MTAP: variants seen among roughly 807,000 people sequenced by gnomAD.
MTAP encodes the protein methylthioadenosine phosphorylase.
MTAP carries 33 observed loss-of-function variants against 33.6 expected under a neutral mutation model. The observed-to-expected ratio is 0.98, with a 90% CI of 0.74 to 1.31. The LOEUF is 1.31. Among genes scored for constraint, MTAP ranks in the 40% most tolerant of loss-of-function variants. The pLI is 0.00. For missense variants in MTAP, 367 were observed against 360.0 expected, an observed-to-expected ratio of 1.02 and a Z score of -0.16; for synonymous variants, 148 against 125.7, an observed-to-expected ratio of 1.18 and a Z score of -1.19.
chr9:21,884,584 C>T (rs1273305400), intron 1 of MTAP, among the ~76,000 whole-genome samples: 4 of 152,162 alleles, frequency 2.6e-5, no homozygotes, highest in Non-Finnish European at 4.4e-5. Flanking sequence ...AAAGTATTGG[C>T]AGATGTGGTA....
At chr9:21,879,940 C>T (rs536742207) in intron 1 of MTAP, among the ~76,000 whole-genome samples, 37 of 152,106 alleles carry the variant, frequency 2.4e-4, no homozygotes, top group African/African-American at 8.2e-4. Flanking sequence ...AGGCGGCCTG[C>T]CCTTTCTCTC....
chr9:21,930,043 C>T (rs758888548), intron 1 of MTAP: 3 of 417,620 alleles, frequency 7.2e-6, no homozygotes, highest in South Asian at 2.1e-5. Context: ...GCCAGCAATG[C>T]CCAAGCTCAT....
At chr9:21,868,762 T>A (rs780576906), downstream of MTAP, among the ~76,000 whole-genome samples, 2 of 152,122 alleles carry the variant, frequency 1.3e-5, no homozygotes, top group Admixed American at 1.3e-4. Flanking sequence ...CCTCTGCTGC[T>A]CTCTCCCAAA....
chr9:21,876,574 A>G (rs1826012020), intron 1 of MTAP, among the ~76,000 whole-genome samples: 1 of 152,086 alleles, frequency 6.6e-6, no homozygotes, highest in Non-Finnish European at 1.5e-5. Flanking sequence ...TCCAGCTTCA[A>G]TCCTATGCAT....
At chr9:21,923,910 G>A (rs1031744989) in intron 1 of MTAP, among the ~76,000 whole-genome samples, 1 of 152,360 alleles carries the variant, frequency 6.6e-6, no homozygotes, top group East Asian at 1.9e-4. Context: ...GGCTGCAGGT[G>A]CAAGAGACAA....
intron 1 of MTAP, chr9:21,803,001 C>CACACACACACAT (rs1354081327): frequency 3.4e-6 from 3 of 890,440 alleles, no homozygotes; most frequent in Non-Finnish European, 4.6e-6. Flanking sequence ...CACACACACA[C>CACACACACACAT]ACACACACAC....
chr9:21,804,971 C>T (rs1468465405), intron 1 of MTAP, among the ~76,000 whole-genome samples: 1 of 152,290 alleles, frequency 6.6e-6, no homozygotes, highest in Middle Eastern at 3.4e-3. Flanking sequence ...ATAGAATGTC[C>T]ATCTTGAAGA....
At chr9:21,900,678 A>G (rs959492786) in intron 1 of MTAP, among the ~76,000 whole-genome samples, 1 of 152,362 alleles carries the variant, frequency 6.6e-6, no homozygotes, top group East Asian at 1.9e-4. Context: ...ATATACCCAA[A>G]CGAATATAAA....
chr9:21,828,437 G>A (rs1349505848), intron 4 of MTAP, among the ~76,000 whole-genome samples: 2 of 152,136 alleles, frequency 1.3e-5, no homozygotes, highest in African/African-American at 4.8e-5. Flanking sequence ...ATTTTGGGAG[G>A]CTGAGGCAGG....
Position 21,864,451 on chromosome 9 carries a change from G to C in MTAP, c.*2437G>C. ...GATGGATGGTGAGCATCATGGGAAA[G>C]CTGTAGTTTAGTGACTTAGCCCTTA... On this transcript the variant is annotated 3_prime_UTR_variant, in exon 8 of 8. Coordinates refer to ENST00000644715, the MANE Select transcript of MTAP (RefSeq NM_002451.4). The C allele has an allele frequency of 1.0e-6, 1 of 985,404 alleles. No individual in the cohort carries two copies. The highest frequency in any genetic ancestry group is 4.7e-5 in the South Asian group (1 of 21,288). 61.0% of individuals were successfully genotyped at this position (985,404 alleles called of 1,614,324 possible). A position where few individuals can be genotyped will look rare whatever the true frequency, so the allele number is the denominator to read the frequency against.
chr9:21,820,324 G>A (rs1374547181), intron 4 of MTAP, among the ~76,000 whole-genome samples: 1 of 152,160 alleles, frequency 6.6e-6, no homozygotes, highest in Admixed American at 6.5e-5. Flanking sequence ...TTTGTATAAG[G>A]TGTAAAGAAA....
chr9:21,916,437 C>G (rs1307801299), intron 1 of MTAP, among the ~76,000 whole-genome samples: 1 of 151,818 alleles, frequency 6.6e-6, no homozygotes, highest in Non-Finnish European at 1.5e-5. Flanking sequence ...TGGTGAAACC[C>G]CATCTCTACT....
chr9:21,912,515 T>A (rs973201818), intron 1 of MTAP, among the ~76,000 whole-genome samples: 1 of 151,978 alleles, frequency 6.6e-6, no homozygotes, highest in South Asian at 2.1e-4. Context: ...CATATAAACA[T>A]AACCAAAGAC....
At chr9:21,823,120 C>T (rs957972829) in intron 4 of MTAP, among the ~76,000 whole-genome samples, 1 of 152,118 alleles carries the variant, frequency 6.6e-6, no homozygotes, top group African/African-American at 2.4e-5. Flanking sequence ...AGCATTTAGC[C>T]CATTTACATT....
intron 1 of MTAP, chr9:21,930,115 C>T: frequency 2.2e-6 from 1 of 464,902 alleles, no homozygotes; most frequent in Non-Finnish European, 4.3e-6. Flanking sequence ...AAATTGCCAA[C>T]CTCAGCTCCA....
chr9:21,892,077 G>A (rs537733799), intron 1 of MTAP: 2 of 152,198 alleles, frequency 1.3e-5, no homozygotes, highest in Admixed American at 6.5e-5. Context: ...CAAATGCTAA[G>A]GGAATTTGTT....
At chr9:21,888,074 A>C (rs1818143048) in intron 1 of MTAP, among the ~76,000 whole-genome samples, 2 of 152,172 alleles carry the variant, frequency 1.3e-5, no homozygotes, top group Non-Finnish European at 2.9e-5. Flanking sequence ...ATCATCAGTG[A>C]AAAGCAACAA....
At chr9:21,871,723 C>A (rs1825940446), downstream of MTAP, among the ~76,000 whole-genome samples, 1 of 152,160 alleles carries the variant, frequency 6.6e-6, no homozygotes, top group Non-Finnish European at 1.5e-5. Flanking sequence ...CTTGTCAGAG[C>A]AGTCCACAGC....
At chr9:21,826,306 G>A (rs536824975) in intron 4 of MTAP, among the ~76,000 whole-genome samples, 1 of 151,216 alleles carries the variant, frequency 6.6e-6, no homozygotes, top group South Asian at 2.1e-4. Flanking sequence ...TCAAATAAGG[G>A]TCCACTCATT....
Sources: gnomAD v4.1 joint callset for allele counts (sites outside exome capture counted in the v4.1 genomes callset) on GRCh38, gnomAD v4.1.1 for gene constraint, MANE v1.5 for transcripts, NCBI Gene and HGNC (gene_info 2026-07-23, HGNC 2026-07-21) for gene names.